PHACTR4: variants seen among roughly 807,000 people sequenced by gnomAD.
The protein encoded by PHACTR4 is phosphatase and actin regulator 4.
PHACTR4 carries 51 observed loss-of-function variants against 72.7 expected under a neutral mutation model. The observed-to-expected ratio is 0.70, with a 90% CI of 0.56 to 0.89. The LOEUF (loss-of-function observed/expected upper bound fraction) is 0.89, where lower values mean the gene tolerates loss of function less well. Ranked by LOEUF, PHACTR4 falls within the 40% of genes least tolerant of loss-of-function variation. The pLI is 0.00. For missense variants in PHACTR4, 731 were observed against 861.8 expected, an observed-to-expected ratio of 0.85 and a Z score of 1.90; for synonymous variants, 255 against 302.5, an observed-to-expected ratio of 0.84 and a Z score of 1.63.
chr1:28,456,830 TGA>T (rs2124460906), intron 2 of PHACTR4, among the ~76,000 whole-genome samples: 1 of 152,098 alleles, frequency 6.6e-6, no homozygotes, highest in South Asian at 2.1e-4. Context: ...GAAGGCTCAG[TGA>T]GCTGTGATTG....
chr1:28,458,904 C>T (rs916635069), intron 2 of PHACTR4, among the ~76,000 whole-genome samples, 181 bp from the exon 3 acceptor site: 1 of 152,166 alleles, frequency 6.6e-6, no homozygotes, highest in African/African-American at 2.4e-5. Context: ...AGTAGTTTAT[C>T]TGTTAATGGA....
intron 9 of PHACTR4, 109 bp downstream of exon 9, chr1:28,480,713 C>T: frequency 7.0e-7 from 1 of 1,422,620 alleles, no homozygotes; most frequent in Non-Finnish European, 9.7e-7. Context: ...TTTTCTGAGA[C>T]AGGGTCTTGC....
At chr1:28,436,990 A>G (rs1656677865) in intron 2 of PHACTR4, among the ~76,000 whole-genome samples, 1 of 152,200 alleles carries the variant, frequency 6.6e-6, no homozygotes, top group Non-Finnish European at 1.5e-5. Flanking sequence ...TTGTTTTAGT[A>G]AGCAGATTTT....
At chr1:28,491,033 A>G (rs1449396174) in intron 11 of PHACTR4, 21 bp downstream of exon 11, 3 of 1,603,436 alleles carry the variant, frequency 1.9e-6, no homozygotes, top group Non-Finnish European at 2.6e-6. Context: ...CTGTGTGTTC[A>G]GTTAACTATA....
chr1:28,491,833 T>G, intron 12 of PHACTR4, 46 bp downstream of exon 12: 1 of 1,589,298 alleles, frequency 6.3e-7, no homozygotes, highest in African/African-American at 1.4e-5. Flanking sequence ...TCTCTTTTTC[T>G]CTTTATTTGG....
intron 13 of PHACTR4, among the ~76,000 whole-genome samples, chr1:28,496,213 C>T (rs529498799): frequency 2.0e-4 from 30 of 151,916 alleles, no homozygotes; most frequent in Admixed American, 5.2e-4. Context: ...CGCGCCACCA[C>T]GCCCAGCTAA....
chr1:28,388,376 A>T (rs928603100), intron 1 of PHACTR4, among the ~76,000 whole-genome samples: 4 of 152,196 alleles, frequency 2.6e-5, no homozygotes, highest in African/African-American at 7.2e-5. Context: ...ACATAGACAA[A>T]TTGAATAGAC....
At chr1:28,379,869 G>A (rs1042678183) in intron 1 of PHACTR4, among the ~76,000 whole-genome samples, 3 of 151,568 alleles carry the variant, frequency 2.0e-5, no homozygotes, top group Non-Finnish European at 4.4e-5. Context: ...GATTACAGGT[G>A]TGAGCCACCG....
At chr1:28,444,630 T>A (rs149338677) in intron 2 of PHACTR4, among the ~76,000 whole-genome samples, 14,221 of 150,736 alleles carry the variant, frequency 0.094, 1,506 homozygotes, top group African/African-American at 0.26. Context: ...TATTATTATT[T>A]TTTGAGACAG....
intron 2 of PHACTR4, among the ~76,000 whole-genome samples, chr1:28,448,394 AAAG>A (rs1251278867): frequency 6.7e-6 from 1 of 149,856 alleles, no homozygotes; most frequent in African/African-American, 2.5e-5. Flanking sequence ...AAAAAAAAGA[AAAG>A]AAAAGAAAGG....
chr1:28,430,475 GCACATGTTAT>G (rs1185499242), intron 2 of PHACTR4, among the ~76,000 whole-genome samples: 4 of 152,130 alleles, frequency 2.6e-5, no homozygotes, highest in Non-Finnish European at 5.9e-5. Flanking sequence ...GTAGCTTGAG[GCACATGTTAT>G]CAATTGTAGG....
chr1:28,491,519 G>A, intron 11 of PHACTR4, 131 bp from the exon 12 acceptor site: 2 of 1,253,118 alleles, frequency 1.6e-6, no homozygotes, highest in South Asian at 2.6e-5. Flanking sequence ...GGGACCTCCA[G>A]GGATCAATAG....
chr1:28,467,418 T>TGTAA (rs1271332944), intron 6 of PHACTR4, among the ~76,000 whole-genome samples: 1 of 147,506 alleles, frequency 6.8e-6, no homozygotes, highest in African/African-American at 2.5e-5. Flanking sequence ...TGTGTGTGTG[T>TGTAA]AATTGGACTG....
At chr1:28,443,797 A>G (rs999999937) in intron 2 of PHACTR4, among the ~76,000 whole-genome samples, 2 of 152,062 alleles carry the variant, frequency 1.3e-5, no homozygotes, top group Non-Finnish European at 2.9e-5. Context: ...TTGTATATAT[A>G]CCACATTTTC....
At chr1:28,459,393 TTC>T (rs1448509393) in intron 3 of PHACTR4, 135 bp downstream of exon 3, 175 of 664,182 alleles carry the variant, frequency 2.6e-4, no homozygotes, top group Middle Eastern at 4.7e-4. Context: ...TCTTTCCTTC[TTC>T]TTTTTTTTTT....
intron 1 of PHACTR4, among the ~76,000 whole-genome samples, chr1:28,382,087 G>A (rs143749523): frequency 2.6e-5 from 4 of 152,090 alleles, no homozygotes; most frequent in South Asian, 2.1e-4. Context: ...CTCTTTAATG[G>A]GGTTGTTTAG....
chr1:28,464,044 CTTT>C (rs74771369), intron 4 of PHACTR4, among the ~76,000 whole-genome samples: 4 of 131,326 alleles, frequency 3.0e-5, no homozygotes, highest in Admixed American at 1.5e-4. Flanking sequence ...ATAACCATTT[CTTT>C]TTTTTTTTTT....
intron 1 of PHACTR4, among the ~76,000 whole-genome samples, chr1:28,406,880 A>G (rs1654368223): frequency 6.6e-6 from 1 of 152,162 alleles, no homozygotes; most frequent in South Asian, 2.1e-4. Flanking sequence ...TCCTGTGTCT[A>G]AAATAACTTC....
In PHACTR4 at chr1:28,492,966, G is replaced by A. The variant is rs754723950; in HGVS notation, c.2017-49G>A. The stretch of plus-strand genomic sequence containing the variant: ...CAGAAAAATGACAAGTTACACTGCT[G>A]TGCAAAGCAGCCAGAAGAAGCTGAA... On this transcript the variant is annotated intron_variant, in intron 12 of 13. Transcript: ENST00000373839. 18 of 1,505,220 alleles carry A rather than the reference G, an allele frequency of 1.2e-5. No homozygotes were observed. In the East Asian group the frequency reaches 3.6e-4, roughly 30 times the overall value. The allele number at this position is 1,505,220 out of a possible 1,614,324, so 93.2% of individuals were successfully genotyped here. A position where few individuals can be genotyped will look rare whatever the true frequency, so the allele number is the denominator to read the frequency against.
Sources: allele counts gnomAD v4.1 joint callset (sites outside exome capture counted in the v4.1 genomes callset), GRCh38; gene constraint gnomAD v4.1.1; transcripts MANE v1.5; gene names NCBI Gene and HGNC (gene_info 2026-07-23, HGNC 2026-07-21).